Variants in RANBP2 observed in about 807,000 individuals in gnomAD.
RANBP2 encodes the protein RAN binding protein 2, also known as E3 SUMO-protein ligase RanBP2.
In RANBP2, 57 loss-of-function variants were observed where a neutral mutation model predicts 303.6. The observed-to-expected ratio is 0.19, with a 90% CI of 0.15 to 0.23. The LOEUF (loss-of-function observed/expected upper bound fraction) is 0.23. Ranked by LOEUF, RANBP2 falls within the 10% of genes least tolerant of loss-of-function variation. The pLI, the probability that RANBP2 is intolerant of heterozygous loss-of-function variation, is 1.00. For synonymous variants in RANBP2, 1,167 were observed against 1,301.5 expected (o/e 0.90, Z 2.23); for missense variants, 3,138 against 3,780.8 (o/e 0.83, Z 4.46).
the RANBP2 span, among the ~76,000 whole-genome samples, chr2:109,386,416 TAA>T: frequency 6.8e-6 from 1 of 147,300 alleles, no homozygotes. Flanking sequence ...ACAAGAAGTT[TAA>T]AAAAAAAAAA....
chr2:108,729,562 A>T (rs1695002326), intron 2 of RANBP2, among the ~76,000 whole-genome samples: 1 of 152,238 alleles, frequency 6.6e-6, no homozygotes, highest in South Asian at 2.1e-4. Flanking sequence ...AAAAAATTAA[A>T]CCGTAATTGT....
chr2:109,399,628 A>C, the RANBP2 span, among the ~76,000 whole-genome samples: 1 of 152,208 alleles, frequency 6.6e-6, no homozygotes, highest in Admixed American at 6.5e-5. Context: ...GTCAATCAAT[A>C]AAATAAAATA....
chr2:109,074,367 C>G, the RANBP2 span, among the ~76,000 whole-genome samples: 1 of 143,810 alleles, frequency 7.0e-6, no homozygotes, highest in Admixed American at 6.9e-5. Flanking sequence ...GACTCTGTCT[C>G]AAAAAAAAAA....
chr2:109,211,648 C>CTTT, the RANBP2 span, among the ~76,000 whole-genome samples: 38,411 of 142,360 alleles, frequency 0.27, 5,479 homozygotes, highest in East Asian at 0.45. Flanking sequence ...GCATTTCTTT[C>CTTT]TTTTTTTTTT....
chr2:108,808,706 T>G, the RANBP2 span, among the ~76,000 whole-genome samples: 1 of 152,172 alleles, frequency 6.6e-6, no homozygotes, highest in African/African-American at 2.4e-5. Flanking sequence ...TTATTTGGAT[T>G]ATTATTTTTT....
At chr2:109,126,232 G>A in the RANBP2 span, among the ~76,000 whole-genome samples, 1 of 152,310 alleles carries the variant, frequency 6.6e-6, no homozygotes, top group East Asian at 1.9e-4. Context: ...TGTGTCCTGT[G>A]GGTGCTGGTT....
At chr2:109,664,723 A>G in the RANBP2 span, among the ~76,000 whole-genome samples, 1 of 152,212 alleles carries the variant, frequency 6.6e-6, no homozygotes, top group African/African-American at 2.4e-5. Flanking sequence ...TTAGGTCAGG[A>G]GTTCAAGACC....
the RANBP2 span, among the ~76,000 whole-genome samples, chr2:109,390,002 C>T: frequency 2.0e-5 from 3 of 152,268 alleles, no homozygotes; most frequent in Admixed American, 6.5e-5. Flanking sequence ...AAGGCAGAAG[C>T]GCCCTGGGAA....
chr2:109,490,818 A>T, the RANBP2 span: 12 of 1,536,866 alleles, frequency 7.8e-6, no homozygotes, highest in African/African-American at 1.4e-4. Flanking sequence ...TGCCATGGGG[A>T]TGGAGCCTCT....
At chr2:109,244,361 A>T in the RANBP2 span, among the ~76,000 whole-genome samples, 1 of 152,202 alleles carries the variant, frequency 6.6e-6, no homozygotes, top group African/African-American at 2.4e-5. Context: ...AATTGTCCTA[A>T]TATATAAACC....
At chr2:108,994,788 A>C in the RANBP2 span, among the ~76,000 whole-genome samples, 1 of 123,962 alleles carries the variant, frequency 8.1e-6, no homozygotes, top group African/African-American at 3.1e-5. Context: ...TTATCTGTGC[A>C]TTGGGTTATA....
At chr2:109,427,372 T>C in the RANBP2 span, among the ~76,000 whole-genome samples, 1 of 152,268 alleles carries the variant, frequency 6.6e-6, no homozygotes, top group Admixed American at 6.5e-5. Flanking sequence ...TTACATATAT[T>C]GGTAAACCAA....
At chr2:109,260,653 A>C in the RANBP2 span, among the ~76,000 whole-genome samples, 870 of 152,262 alleles carry the variant, frequency 5.7e-3, 4 homozygotes, top group Non-Finnish European at 9.2e-3. Context: ...CAGGCTGTCC[A>C]GGGCCAATGG....
the RANBP2 span, among the ~76,000 whole-genome samples, chr2:109,546,436 A>G: frequency 6.6e-6 from 1 of 152,158 alleles, no homozygotes; most frequent in Admixed American, 6.5e-5. Context: ...AATTTAAATG[A>G]GTTCCCATGC....
intron 19 of RANBP2, among the ~76,000 whole-genome samples, chr2:108,762,976 A>C (rs534046318): frequency 3.2e-4 from 48 of 152,282 alleles, no homozygotes; most frequent in African/African-American, 1.1e-3. Context: ...TAACCTACTT[A>C]TGCCTAGTGC....
At chr2:108,794,889 A>T in the RANBP2 span, among the ~76,000 whole-genome samples, 1 of 152,222 alleles carries the variant, frequency 6.6e-6, no homozygotes, top group Non-Finnish European at 1.5e-5. Context: ...GAAGGGAAAA[A>T]TACAGTGGCT....
At chr2:109,287,403 CT>C in the RANBP2 span, among the ~76,000 whole-genome samples, 1 of 152,144 alleles carries the variant, frequency 6.6e-6, no homozygotes, top group Admixed American at 6.5e-5. Flanking sequence ...TATCTGTGGG[CT>C]TACAGTGACA....
At chr2:109,436,995 G>A in the RANBP2 span, 3 of 1,613,704 alleles carry the variant, frequency 1.9e-6, no homozygotes, top group Non-Finnish European at 2.5e-6. Flanking sequence ...GTGGGAGTCT[G>A]AGCAGCCTGG....
At chr2:108,778,151 A>C (rs1022529030) in intron 25 of RANBP2, among the ~76,000 whole-genome samples, 1 of 152,218 alleles carries the variant, frequency 6.6e-6, no homozygotes, top group Non-Finnish European at 1.5e-5. Flanking sequence ...AAAAATAGAT[A>C]GGCTCCTTGT....
Sources: allele counts gnomAD v4.1 joint callset (sites outside exome capture counted in the v4.1 genomes callset), GRCh38; gene constraint gnomAD v4.1.1; transcripts MANE v1.5; gene names NCBI Gene and HGNC (gene_info 2026-07-23, HGNC 2026-07-21).